Variants in LARGE1 observed in about 807,000 individuals in gnomAD.
LARGE1 encodes xylosyl- and glucuronyltransferase LARGE1.
Under a neutral mutation model 87.6 loss-of-function variants are expected in LARGE1, and 43 were observed. The observed-to-expected ratio is 0.49, with a 90% CI of 0.38 to 0.63. The LOEUF is 0.63. Among genes scored for constraint, LARGE1 ranks in the 30% least tolerant of loss-of-function variants. The pLI is 0.00. For synonymous variants in LARGE1, 434 were observed against 394.6 expected, an observed-to-expected ratio of 1.10 and a Z score of -1.18; for missense variants, 802 against 1,000.2, an observed-to-expected ratio of 0.80 and a Z score of 2.67.
intron 1 of LARGE1, among the ~76,000 whole-genome samples, chr22:33,827,369 CAA>C (rs1346820195): frequency 1.3e-5 from 2 of 151,512 alleles, no homozygotes; most frequent in African/African-American, 2.4e-5. Flanking sequence ...GACCCGGTCT[CAA>C]AAAAAAGAGT....
At chr22:33,781,744 C>T (rs543898484) in intron 1 of LARGE1, among the ~76,000 whole-genome samples, 5 of 152,264 alleles carry the variant, frequency 3.3e-5, no homozygotes, top group African/African-American at 4.8e-5. Context: ...AAGTAATTTA[C>T]GTAAGTGACC....
intron 1 of LARGE1, among the ~76,000 whole-genome samples, 189 bp downstream of exon 1, chr22:33,919,806 G>A (rs576978602): frequency 6.4e-4 from 97 of 152,312 alleles, no homozygotes; most frequent in African/African-American, 2.2e-3. Flanking sequence ...GGGGGTCCTG[G>A]GGACTTCGGA....
rs578002000 is a variant in LARGE1, at chr22:33,521,162, G to A, written c.787+43686C>T. ...AAAAGAGAACACAGTGAAGAAATAC[G>A]TGGTTCTTAAAAAGTTTCTCCAAGA... On this transcript the variant is annotated intron_variant, in intron 6 of 14. Coordinates refer to ENST00000397394, the MANE Select transcript of LARGE1 (RefSeq NM_133642.5). Among the ~76,000 whole-genome samples the A allele has an allele frequency of 5.9e-5, 9 of 152,226 alleles. No homozygotes were observed. The South Asian group carries it at 8.3e-4, about 14-fold the overall frequency.
intron 11 of LARGE1, among the ~76,000 whole-genome samples, chr22:33,200,543 T>C (rs1924326817): frequency 6.6e-6 from 1 of 152,186 alleles, no homozygotes; most frequent in South Asian, 2.1e-4. Context: ...TCTCAGAATT[T>C]ATTCATAACA....
chr22:33,321,238 G>T (rs957462592), intron 10 of LARGE1, among the ~76,000 whole-genome samples: 4 of 152,206 alleles, frequency 2.6e-5, no homozygotes, highest in African/African-American at 9.6e-5. Context: ...AAACACCTGG[G>T]CCCCTGAAGA....
At chr22:33,173,542 T>G (rs1384419201) in intron 11 of LARGE1, among the ~76,000 whole-genome samples, 1 of 151,706 alleles carries the variant, frequency 6.6e-6, no homozygotes, top group African/African-American at 2.4e-5. Context: ...AAGACACAGA[T>G]GACCAAATTA....
chr22:33,731,283 A>C (rs1351572336), intron 2 of LARGE1, among the ~76,000 whole-genome samples: 1 of 151,866 alleles, frequency 6.6e-6, no homozygotes, highest in East Asian at 1.9e-4. Flanking sequence ...GATTACAGGC[A>C]TGAGCCACCG....
At chr22:33,308,669 T>G (rs1435835644) in intron 11 of LARGE1, among the ~76,000 whole-genome samples, 1 of 152,094 alleles carries the variant, frequency 6.6e-6, no homozygotes, top group East Asian at 1.9e-4. Context: ...CTACACCACC[T>G]TGCCCTGGCG....
At chr22:33,531,965 C>A (rs142607071) in intron 6 of LARGE1, among the ~76,000 whole-genome samples, 7 of 152,164 alleles carry the variant, frequency 4.6e-5, no homozygotes, top group Admixed American at 3.3e-4. Context: ...TGCAAGGAGG[C>A]GCCTGAAGCC....
At chr22:33,534,370 C>G (rs2076983403) in intron 6 of LARGE1, among the ~76,000 whole-genome samples, 1 of 151,660 alleles carries the variant, frequency 6.6e-6, no homozygotes, top group Non-Finnish European at 1.5e-5. Context: ...CGCCACTGCA[C>G]TCCAACCTGG....
intron 7 of LARGE1, among the ~76,000 whole-genome samples, chr22:33,401,376 C>T (rs8136357): frequency 0.2 from 30,250 of 152,042 alleles, 3,823 homozygotes; most frequent in Non-Finnish European, 0.28. Flanking sequence ...TGGCCATCCA[C>T]GCTGTCTCGT....
intron 1 of LARGE1, among the ~76,000 whole-genome samples, chr22:33,866,035 G>C (rs1005848452): frequency 6.6e-6 from 1 of 151,532 alleles, no homozygotes; most frequent in Non-Finnish European, 1.5e-5. Flanking sequence ...TTTTAGTAGA[G>C]ATAGGGTTTC....
intron 11 of LARGE1, among the ~76,000 whole-genome samples, chr22:33,175,052 T>A (rs1407239343): frequency 3.3e-5 from 5 of 151,984 alleles, no homozygotes; most frequent in Non-Finnish European, 5.9e-5. Context: ...CAGGCCAATA[T>A]CCCTGAGGAA....
the LARGE1 span, among the ~76,000 whole-genome samples, chr22:33,075,870 C>T: frequency 4.5e-4 from 68 of 152,208 alleles, no homozygotes; most frequent in African/African-American, 1.6e-3. Flanking sequence ...GGACTATCCA[C>T]CTAAAATGTG....
At chr22:33,500,037 G>A (rs1425200411) in intron 6 of LARGE1, among the ~76,000 whole-genome samples, 1 of 152,154 alleles carries the variant, frequency 6.6e-6, no homozygotes, top group South Asian at 2.1e-4. Flanking sequence ...GCCTCCCAAA[G>A]TGCTGGGATT....
At chr22:33,892,726 G>C (rs187385338) in intron 1 of LARGE1, among the ~76,000 whole-genome samples, 1 of 151,636 alleles carries the variant, frequency 6.6e-6, no homozygotes, top group Non-Finnish European at 1.5e-5. Flanking sequence ...GTACAACAGT[G>C]GCACCCTCGT....
In LARGE1 at chr22:33,766,398, T is replaced by C. The variant is rs183069280; in HGVS notation, c.-82-4840A>G. Among the ~76,000 whole-genome samples the C allele has an allele frequency of 9.9e-5, 15 of 152,278 alleles. No individual in the cohort carries two copies. In the East Asian group the frequency reaches 2.5e-3, roughly 25 times the overall value. On this transcript the variant is annotated intron_variant, in intron 1 of 14. Coordinates refer to ENST00000397394, the MANE Select transcript of LARGE1 (RefSeq NM_133642.5). ...ATGAAATTTACATTTATGAAGAACA[T>C]TGTATGAACCCAAAAAAATCACCAT...
At chr22:33,147,014 A>G in the LARGE1 span, among the ~76,000 whole-genome samples, 1 of 152,174 alleles carries the variant, frequency 6.6e-6, no homozygotes, top group Non-Finnish European at 1.5e-5. Flanking sequence ...TTTTGTGTCC[A>G]GTATTTTTTC....
chr22:33,707,325 G>A (rs1187621442), intron 2 of LARGE1, among the ~76,000 whole-genome samples: 1 of 152,200 alleles, frequency 6.6e-6, no homozygotes, highest in Non-Finnish European at 1.5e-5. Flanking sequence ...GGAGTATCCA[G>A]GTGAATGGGA....
Sources: allele counts gnomAD v4.1 joint callset (sites outside exome capture counted in the v4.1 genomes callset), GRCh38; gene constraint gnomAD v4.1.1; transcripts MANE v1.5; gene names NCBI Gene and HGNC (gene_info 2026-07-23, HGNC 2026-07-21).